The following FGF14 variants were observed in gnomAD, a reference collection of about 807,000 sequenced individuals.
FGF14 encodes fibroblast growth factor homologous factor 4.
Under a neutral mutation model 25.5 loss-of-function variants are expected in FGF14, and 5 were observed. That is an observed-to-expected ratio of 0.20 (90% CI 0.10 to 0.41). The LOEUF is 0.41. Among genes scored for constraint, FGF14 ranks in the 10% least tolerant of loss-of-function variants. The probability of loss-of-function intolerance (pLI) is 1.00; values close to 1 mark genes in which losing one functional copy is unlikely to be tolerated. For synonymous variants in FGF14, 138 were observed against 118.3 expected (o/e 1.17, Z -1.08); for missense variants, 222 against 320.1 (o/e 0.69, Z 2.34).
rs188766377 is a variant in FGF14 at position 101,993,883 on chromosome 13, C to T, written c.209-118587G>A. On this transcript the variant is annotated intron_variant, in intron 1 of 4. Coordinates refer to the FGF14 transcript ENST00000376131. ...CATGTACACATATGTAACAAACCTGCACATTGTGCACATGTACCCTAAAAC... is the reference window on the plus strand; with the variant it reads ...CATGTACACATATGTAACAAACCTGTACATTGTGCACATGTACCCTAAAAC... Among the ~76,000 whole-genome samples the T allele has an allele frequency of 2.0e-3, 300 of 151,870 alleles. 1 individual carries two copies. The highest frequency in any genetic ancestry group is 7.0e-3 in the African/African-American group (290 of 41,462).
intron 1 of FGF14, among the ~76,000 whole-genome samples, chr13:101,984,259 G>A (rs761357868): frequency 4.6e-5 from 7 of 151,938 alleles, no homozygotes; most frequent in Non-Finnish European, 1.0e-4. Flanking sequence ...CACCTTCTCC[G>A]TATTTCACAC....
chr13:102,038,707 T>G (rs948770420), intron 1 of FGF14, among the ~76,000 whole-genome samples: 4 of 152,158 alleles, frequency 2.6e-5, no homozygotes, highest in African/African-American at 7.2e-5. Flanking sequence ...ATCCATTTTA[T>G]GTCATAAAAT....
At chr13:102,361,846 T>A (rs1290337274) in intron 1 of FGF14, among the ~76,000 whole-genome samples, 1 of 152,178 alleles carries the variant, frequency 6.6e-6, no homozygotes, top group East Asian at 1.9e-4. Context: ...TAGCATTTGC[T>A]TGAACAAGAT....
intron 3 of FGF14, among the ~76,000 whole-genome samples, chr13:101,741,478 C>T (rs1193843521): frequency 1.3e-5 from 2 of 152,206 alleles, no homozygotes; most frequent in Non-Finnish European, 2.9e-5. Flanking sequence ...CATTAAACAT[C>T]AGTAAAAGAC....
chr13:102,011,841 G>T (rs902297214), intron 1 of FGF14, among the ~76,000 whole-genome samples: 3 of 152,140 alleles, frequency 2.0e-5, no homozygotes, highest in African/African-American at 7.2e-5. Flanking sequence ...TCACCCATCT[G>T]CCAAGGAAAT....
At chr13:102,323,225 C>T (rs116668258) in intron 1 of FGF14, among the ~76,000 whole-genome samples, 7 of 152,296 alleles carry the variant, frequency 4.6e-5, no homozygotes, top group African/African-American at 1.7e-4. Context: ...TGTTCCATGT[C>T]AGTTTGAGAC....
At chr13:101,987,222 C>G (rs1315802643) in intron 1 of FGF14, among the ~76,000 whole-genome samples, 3 of 151,990 alleles carry the variant, frequency 2.0e-5, no homozygotes, top group Non-Finnish European at 4.4e-5. Flanking sequence ...CCATCCCACT[C>G]CAGGAAAAAA....
intron 1 of FGF14, among the ~76,000 whole-genome samples, chr13:102,271,446 A>G (rs1013157695): frequency 3.3e-5 from 5 of 152,148 alleles, no homozygotes; most frequent in African/African-American, 1.2e-4. Context: ...TTTTCTGTCC[A>G]GAGTGCATTT....
At chr13:101,961,037 A>AT (rs903517055) in intron 1 of FGF14, among the ~76,000 whole-genome samples, 9 of 150,812 alleles carry the variant, frequency 6.0e-5, no homozygotes, top group Admixed American at 2.0e-4. Flanking sequence ...TTTTAATGGG[A>AT]TTTTTTTGTA....
At chr13:102,304,978 T>C (rs1456293628) in intron 1 of FGF14, among the ~76,000 whole-genome samples, 3 of 152,196 alleles carry the variant, frequency 2.0e-5, no homozygotes, top group African/African-American at 7.2e-5. Flanking sequence ...TTGAAACTAC[T>C]GAGTTTTGGG....
At chr13:102,273,160 G>A (rs1204681420) in intron 1 of FGF14, among the ~76,000 whole-genome samples, 11 of 152,140 alleles carry the variant, frequency 7.2e-5, no homozygotes, top group Non-Finnish European at 1.5e-4. Context: ...TGAAAAAAAG[G>A]TAGCAACGCT....
intron 1 of FGF14, among the ~76,000 whole-genome samples, chr13:102,148,587 T>C (rs2046949763): frequency 6.6e-6 from 1 of 152,158 alleles, no homozygotes; most frequent in African/African-American, 2.4e-5. Flanking sequence ...GCCAGGCAGA[T>C]TGCCTGAGCT....
intron 3 of FGF14, among the ~76,000 whole-genome samples, chr13:101,844,864 C>CT: frequency 6.6e-6 from 1 of 152,130 alleles, no homozygotes; most frequent in Middle Eastern, 3.4e-3. Flanking sequence ...GTCTAGAAGA[C>CT]TACACTGCAA....
intron 1 of FGF14, among the ~76,000 whole-genome samples, chr13:102,290,807 T>A (rs2054351349): frequency 6.6e-6 from 1 of 152,132 alleles, no homozygotes; most frequent in South Asian, 2.1e-4. Context: ...ATCCTTAAAA[T>A]CATATAGTCA....
rs1372082789 is a variant in FGF14 at position 101,712,535 on chromosome 13, G to A, written c.*10296C>T. 6.6e-6 allele frequency: 1 copy of A among 152,110 alleles called. No individual in the cohort carries two copies. Among genetic ancestry groups the A allele is most frequent in the African/African-American group, 2.4e-5 (1 of 41,408 alleles). The allele number at this position is 152,110 out of a possible 1,614,324, so 9.4% of individuals were successfully genotyped here. On this transcript the variant is annotated 3_prime_UTR_variant, in exon 5 of 5. Transcript: ENST00000376143. ...TCATGAATTGTGACATATATAAAAT[G>A]ATATCCTGGGTGTATATATGAATAT...
intron 3 of FGF14, among the ~76,000 whole-genome samples, chr13:101,759,807 A>G (rs1295797763): frequency 1.3e-5 from 2 of 152,144 alleles, no homozygotes; most frequent in Non-Finnish European, 2.9e-5. Flanking sequence ...TACTGTAGAG[A>G]AAAGAGGATC....
rs375085033 is a variant in FGF14 at position 101,875,340 on chromosome 13, C to T, written c.194-44G>A. ...TATCATAAGCCTCACAATGTGTCAC[C>T]ATAGTTTCCTTTATCTTTTCTGTTT... On this transcript the variant is annotated intron_variant, in intron 1 of 4. Coordinates refer to ENST00000376143, the MANE Select transcript of FGF14 (RefSeq NM_004115.4). 232 of 1,289,278 alleles carry T rather than the reference C, an allele frequency of 1.8e-4. 3 individuals carry two copies. The South Asian group carries it at 2.6e-3, about 14-fold the overall frequency. 79.9% of individuals were successfully genotyped at this position (1,289,278 alleles called of 1,614,324 possible). A position where few individuals can be genotyped will look rare whatever the true frequency, so the allele number is the denominator to read the frequency against.
At chr13:102,107,630 T>C (rs1421629577) in intron 1 of FGF14, among the ~76,000 whole-genome samples, 1 of 152,216 alleles carries the variant, frequency 6.6e-6, no homozygotes, top group East Asian at 1.9e-4. Context: ...TAAAGAGAGA[T>C]GTAACTGGTC....
chr13:101,744,896 T>C (rs1367926377), intron 3 of FGF14, among the ~76,000 whole-genome samples: 1 of 151,976 alleles, frequency 6.6e-6, no homozygotes, highest in Admixed American at 6.6e-5. Context: ...TCAAAATAAG[T>C]TGGATCCCCT....
Sources: gnomAD v4.1 joint callset for allele counts (sites outside exome capture counted in the v4.1 genomes callset) on GRCh38, gnomAD v4.1.1 for gene constraint, MANE v1.5 for transcripts, NCBI Gene and HGNC (gene_info 2026-07-23, HGNC 2026-07-21) for gene names.